Variants in VPS37A observed in about 807,000 individuals in gnomAD.
VPS37A encodes the protein VPS37A subunit of ESCRT-I.
Under a neutral mutation model 49.8 loss-of-function variants are expected in VPS37A, and 30 were observed. The ratio of observed to expected loss-of-function variants is 0.60; its 90% CI spans 0.45 to 0.82. VPS37A has a LOEUF of 0.82. VPS37A is among the 40% of genes least tolerant of loss of function. The probability of loss-of-function intolerance (pLI) is 0.00; values close to 1 mark genes in which losing one functional copy is unlikely to be tolerated. For missense variants in VPS37A, 593 were observed against 464.4 expected (o/e 1.28, Z -2.55); for synonymous variants, 195 against 160.6 (o/e 1.21, Z -1.62).
intron 1 of VPS37A, among the ~76,000 whole-genome samples, chr8:17,262,488 C>T (rs1036143084): frequency 6.6e-6 from 1 of 152,034 alleles, no homozygotes; most frequent in African/African-American, 2.4e-5. Flanking sequence ...ATTCTCTTCT[C>T]CCAGAGAAAC....
chr8:17,318,370 C>T, the VPS37A span, among the ~76,000 whole-genome samples: 1 of 152,060 alleles, frequency 6.6e-6, no homozygotes. Context: ...TACAGCACAC[C>T]AGTGAACAGC....
the VPS37A span, among the ~76,000 whole-genome samples, chr8:17,315,676 T>A: frequency 1.3e-5 from 2 of 152,042 alleles, no homozygotes; most frequent in Non-Finnish European, 2.9e-5. Context: ...GACATCCAGA[T>A]TGGCCACAAC....
chr8:17,249,768 G>A (rs1331440593), intron 1 of VPS37A, among the ~76,000 whole-genome samples: 1 of 152,174 alleles, frequency 6.6e-6, no homozygotes, highest in East Asian at 1.9e-4. Flanking sequence ...TGTAACAAAA[G>A]ACAGGTTAAC....
At chr8:17,330,306 G>A in the VPS37A span, among the ~76,000 whole-genome samples, 1 of 152,176 alleles carries the variant, frequency 6.6e-6, no homozygotes, top group African/African-American at 2.4e-5. Flanking sequence ...CACTTCCCGG[G>A]CTCCCAGCTC....
At chr8:17,322,188 C>G in the VPS37A span, among the ~76,000 whole-genome samples, 6 of 152,170 alleles carry the variant, frequency 3.9e-5, no homozygotes, top group African/African-American at 1.4e-4. Context: ...ATCCATAAGA[C>G]AGTCTTCAGA....
chr8:17,265,191 T>G (rs1224466412), intron 1 of VPS37A, among the ~76,000 whole-genome samples: 1 of 152,190 alleles, frequency 6.6e-6, no homozygotes, highest in Non-Finnish European at 1.5e-5. Context: ...GAAGTCTAGT[T>G]CCTAGATCCA....
chr8:17,254,955 C>T (rs1048906948), intron 1 of VPS37A, among the ~76,000 whole-genome samples: 1 of 152,090 alleles, frequency 6.6e-6, no homozygotes, highest in Non-Finnish European at 1.5e-5. Context: ...CACCTATAAA[C>T]GTTACTTGAG....
At chr8:17,276,020 G>T (rs185722533) in intron 5 of VPS37A, among the ~76,000 whole-genome samples, 1 of 152,216 alleles carries the variant, frequency 6.6e-6, no homozygotes, top group African/African-American at 2.4e-5. Flanking sequence ...TGTGACTGAG[G>T]CATGTAACTA....
downstream of VPS37A, chr8:17,304,551 C>G: frequency 1.9e-6 from 3 of 1,599,518 alleles, no homozygotes; most frequent in Non-Finnish European, 1.7e-6. Flanking sequence ...TATAAATGAC[C>G]TATTTTGGTG....
the VPS37A span, among the ~76,000 whole-genome samples, chr8:17,313,790 A>T: frequency 6.6e-6 from 1 of 152,218 alleles, no homozygotes; most frequent in Admixed American, 6.5e-5. Context: ...CATATAACTA[A>T]GTGTAGCACC....
intron 11 of VPS37A, among the ~76,000 whole-genome samples, chr8:17,291,244 C>T (rs1395119053): frequency 1.8e-4 from 27 of 152,134 alleles, no homozygotes; most frequent in Admixed American, 1.8e-3. Context: ...AACTCCTGAC[C>T]TCAGGTGATC....
chr8:17,287,793 C>G (rs1445919384), intron 11 of VPS37A, among the ~76,000 whole-genome samples: 1 of 152,122 alleles, frequency 6.6e-6, no homozygotes, highest in Non-Finnish European at 1.5e-5. Flanking sequence ...TAGAACATTC[C>G]CTGGAAGAGT....
chr8:17,313,553 C>T, the VPS37A span: 1 of 543,970 alleles, frequency 1.8e-6, no homozygotes, highest in South Asian at 3.1e-5. Context: ...CCCACGTTTA[C>T]TAAACTTGAT....
downstream of VPS37A, among the ~76,000 whole-genome samples, chr8:17,302,842 A>T (rs896087874): frequency 1.3e-5 from 2 of 150,504 alleles, no homozygotes; most frequent in Non-Finnish European, 3.0e-5. Context: ...CCTCCCAAGT[A>T]CCTGGGATTA....
intron 9 of VPS37A, among the ~76,000 whole-genome samples, chr8:17,281,882 C>T (rs10091766): frequency 0.53 from 80,469 of 151,758 alleles, 24,064 homozygotes; most frequent in African/African-American, 0.8. Flanking sequence ...AAAAGAAGAG[C>T]TGAGTTTTGT....
intron 6 of VPS37A, among the ~76,000 whole-genome samples, chr8:17,276,697 A>G (rs1814546967): frequency 6.6e-6 from 1 of 152,304 alleles, no homozygotes; most frequent in African/African-American, 2.4e-5. Context: ...ATGATATAAT[A>G]GTTACCAAGA....
chr8:17,315,298 A>G, the VPS37A span, among the ~76,000 whole-genome samples: 1 of 152,138 alleles, frequency 6.6e-6, no homozygotes, highest in Admixed American at 6.5e-5. Flanking sequence ...AGGCAAAACT[A>G]CGGAGACAGT....
At chr8:17,247,635 T>C (rs1811416981) in intron 1 of VPS37A, 1 of 703,984 alleles carries the variant, frequency 1.4e-6, no homozygotes, top group African/African-American at 1.7e-5. Context: ...CTGACTGTAA[T>C]CTCTCAATCT....
At chr8:17,326,379 A>G in the VPS37A span, 1 of 152,196 alleles carries the variant, frequency 6.6e-6, no homozygotes, top group Non-Finnish European at 1.5e-5. Flanking sequence ...TGTCCAATAC[A>G]TAGTAAGCCT....
Sources: gnomAD v4.1 joint callset for allele counts (sites outside exome capture counted in the v4.1 genomes callset) on GRCh38, gnomAD v4.1.1 for gene constraint, MANE v1.5 for transcripts, NCBI Gene and HGNC (gene_info 2026-07-23, HGNC 2026-07-21) for gene names.